The following CACNA2D2 variants were observed in gnomAD, a reference collection of about 807,000 sequenced individuals.
CACNA2D2 encodes the protein calcium voltage-gated channel auxiliary subunit alpha2delta 2.
In CACNA2D2, 48 loss-of-function variants were observed where a neutral mutation model predicts 166.4. The ratio of observed to expected loss-of-function variants is 0.29; its 90% CI spans 0.23 to 0.37. CACNA2D2 has a LOEUF of 0.37. Among genes scored for constraint, CACNA2D2 ranks in the 10% least tolerant of loss-of-function variants. The pLI is 1.00. For missense variants in CACNA2D2, 1,122 were observed against 1,433.0 expected, an observed-to-expected ratio of 0.78 and a Z score of 3.50; for synonymous variants, 561 against 573.7, an observed-to-expected ratio of 0.98 and a Z score of 0.32.
At chr3:50,476,740 G>A (rs1697793475) in intron 1 of CACNA2D2, among the ~76,000 whole-genome samples, 1 of 152,126 alleles carries the variant, frequency 6.6e-6, no homozygotes, top group Admixed American at 6.5e-5. Flanking sequence ...TTCCAGATTA[G>A]GCAGCCCTTG....
intron 4 of CACNA2D2, among the ~76,000 whole-genome samples, chr3:50,389,427 C>T (rs1238812716): frequency 6.7e-6 from 1 of 148,386 alleles, no homozygotes; most frequent in Non-Finnish European, 1.5e-5. Flanking sequence ...GTAATGAAAG[C>T]GGGCGGGTGC....
At chr3:50,439,759 C>A (rs181018563) in intron 2 of CACNA2D2, among the ~76,000 whole-genome samples, 2 of 152,306 alleles carry the variant, frequency 1.3e-5, no homozygotes, top group African/African-American at 4.8e-5. Context: ...CCAGACTGGG[C>A]TACACTCATG....
At chr3:50,451,069 G>A (rs1366537323) in intron 2 of CACNA2D2, among the ~76,000 whole-genome samples, 2 of 152,094 alleles carry the variant, frequency 1.3e-5, no homozygotes, top group East Asian at 3.9e-4. Context: ...GGCCCTTAGT[G>A]CCCCCTCCAT....
chr3:50,469,268 T>A lies in CACNA2D2; in HGVS notation c.288+6850A>T, dbSNP rs552141455. 3.0e-4 allele frequency among the ~76,000 whole-genome samples: 45 copies of A among 152,230 alleles called. 1 individual carries two copies. The South Asian group carries it at 7.7e-3, about 26-fold the overall frequency. On this transcript the variant is annotated intron_variant, in intron 2 of 37. Coordinates refer to ENST00000424201, the MANE Select transcript of CACNA2D2 (RefSeq NM_006030.4). The stretch of plus-strand genomic sequence containing the variant: ...TGCCCATCTCCTCCCCAACAGCATC[T>A]CTGCAGCTAGCTCCCTGGATTTCCG...
chr3:50,444,180 T>C (rs1708735713), intron 2 of CACNA2D2, among the ~76,000 whole-genome samples: 1 of 152,126 alleles, frequency 6.6e-6, no homozygotes, highest in Non-Finnish European at 1.5e-5. Context: ...GAAACTGACC[T>C]TGCCCCAAAG....
At chr3:50,475,658 C>G (rs1383515061) in intron 2 of CACNA2D2, among the ~76,000 whole-genome samples, 1 of 152,202 alleles carries the variant, frequency 6.6e-6, no homozygotes, top group Non-Finnish European at 1.5e-5. Context: ...CTTGATCCCT[C>G]ATCCCACCAG....
At chr3:50,485,813 A>G (rs1281160612) in intron 1 of CACNA2D2, among the ~76,000 whole-genome samples, 1 of 152,238 alleles carries the variant, frequency 6.6e-6, no homozygotes, top group Non-Finnish European at 1.5e-5. Flanking sequence ...ATAATTTCTC[A>G]GAAGTCTAGA....
chr3:50,387,207 T>C (rs587624937), intron 5 of CACNA2D2, among the ~76,000 whole-genome samples: 2 of 152,258 alleles, frequency 1.3e-5, no homozygotes, highest in Non-Finnish European at 2.9e-5. Context: ...TGGACGTTCC[T>C]GCATCCTGCT....
rs990232188 is a variant in CACNA2D2, at chr3:50,367,097, G to A, written c.2414C>T (p.Pro805Leu). 9 of 1,613,306 alleles carry A rather than the reference G, an allele frequency of 5.6e-6. No individual in the cohort carries two copies. The highest frequency in any genetic ancestry group is 1.6e-4 in the Middle Eastern group (1 of 6,062). The change falls in exon 28 of 38, where the codon CCG becomes CTG. Residue 805 changes from proline (P) to leucine (L), a missense_variant. This residue lies in a region of CACNA2D2 where 840 missense variants were observed against 1,166.8 expected (regional missense o/e 0.72). Transcript: ENST00000424201. The surrounding 1 kb of genome is among the most constrained non-coding windows in gnomAD (Gnocchi z 6.5). ...CACAGTGTCATTCTCCAGCTCCAGC[G>A]GCCTTAACAGGGCTGGGGGTTGGGT... ...KPPHQDALLR[P>L]LELENDTVGI...
At chr3:50,447,579 G>A (rs1708912025) in intron 2 of CACNA2D2, among the ~76,000 whole-genome samples, 1 of 152,100 alleles carries the variant, frequency 6.6e-6, no homozygotes, top group African/African-American at 2.4e-5. Flanking sequence ...CCATACCACT[G>A]GGCCTGCTAG....
chr3:50,416,075 T>C (rs1238687767), intron 3 of CACNA2D2: 1 of 152,190 alleles, frequency 6.6e-6, no homozygotes, highest in Non-Finnish European at 1.5e-5. Context: ...TTTACAGAGG[T>C]GGCCACTCTG....
chr3:50,383,364 C>A (rs942802718), intron 6 of CACNA2D2, among the ~76,000 whole-genome samples: 1 of 152,156 alleles, frequency 6.6e-6, no homozygotes, highest in Admixed American at 6.5e-5. Context: ...GCTTTTGAGT[C>A]CCAGCCCAGT....
At chr3:50,465,097 G>A (rs934470124) in intron 2 of CACNA2D2, among the ~76,000 whole-genome samples, 9 of 152,216 alleles carry the variant, frequency 5.9e-5, no homozygotes, top group African/African-American at 1.7e-4. Flanking sequence ...GATCCTTCCC[G>A]GAGGAGGAGG....
At chr3:50,452,388 C>A (rs892566534) in intron 2 of CACNA2D2, among the ~76,000 whole-genome samples, 1 of 152,210 alleles carries the variant, frequency 6.6e-6, no homozygotes, top group Admixed American at 6.5e-5. Flanking sequence ...GGAGCTGGTG[C>A]CAGAAGTGGT....
At chr3:50,475,059 A>G (rs779964509) in intron 2 of CACNA2D2, among the ~76,000 whole-genome samples, 21 of 152,128 alleles carry the variant, frequency 1.4e-4, no homozygotes, top group Non-Finnish European at 2.5e-4. Flanking sequence ...GACCAGCCCC[A>G]GCCTGTGCCA....
chr3:50,431,646 T>C (rs1708070117), intron 3 of CACNA2D2, among the ~76,000 whole-genome samples: 1 of 152,048 alleles, frequency 6.6e-6, no homozygotes, highest in African/African-American at 2.4e-5. Flanking sequence ...ACACGGTGAG[T>C]ATCTGTCTGG....
Position 50,367,315 on chromosome 3 carries a change from G to T in CACNA2D2, c.2401+79C>A. ...TTGTGTTGGAGAGGGGCCTCAGACA[G>T]CAGAGCCCAGTTCTGGCTGAGCAGA... is the stretch of plus-strand genomic sequence containing the variant. On this transcript the variant is annotated intron_variant, in intron 27 of 37. Coordinates refer to ENST00000424201, the MANE Select transcript of CACNA2D2 (RefSeq NM_006030.4). The surrounding 1 kb of genome is among the most constrained non-coding windows in gnomAD (Gnocchi z 6.5). 1.5e-6 allele frequency: 2 copies of T among 1,336,992 alleles called. No individual in the cohort carries two copies. The highest frequency in any genetic ancestry group is 1.2e-5 in the South Asian group (1 of 83,326). The allele number at this position is 1,336,992 out of a possible 1,614,324, so 82.8% of individuals were successfully genotyped here. A position where few individuals can be genotyped will look rare whatever the true frequency, so the allele number is the denominator to read the frequency against.
intron 22 of CACNA2D2, chr3:50,373,199 C>A: frequency 1.2e-6 from 1 of 863,434 alleles, no homozygotes; most frequent in Non-Finnish European, 1.8e-6. Flanking sequence ...TATTCAATGG[C>A]TGTTTGAATG....
At chr3:50,437,467 TC>T (rs1708403324) in intron 2 of CACNA2D2, among the ~76,000 whole-genome samples, 1 of 152,092 alleles carries the variant, frequency 6.6e-6, no homozygotes, top group East Asian at 1.9e-4. Context: ...CCAAGCCTGC[TC>T]CCCAATCCCA....
Sources: gnomAD v4.1 joint callset for allele counts (sites outside exome capture counted in the v4.1 genomes callset) on GRCh38, gnomAD v4.1.1 for gene constraint, gnomAD v4.1.1 regional missense constraint, Gnocchi (gnomAD v3.1) non-coding constraint, MANE v1.5 for transcripts, NCBI Gene and HGNC (gene_info 2026-07-23, HGNC 2026-07-21) for gene names.